CYP4X1: variants seen among roughly 807,000 people sequenced by gnomAD.
CYP4X1 encodes cytochrome P450 family 4 subfamily X member 1.
A neutral mutation model predicts 57.9 loss-of-function variants in CYP4X1; 44 were observed. The observed-to-expected ratio is 0.76, with a 90% CI of 0.60 to 0.98. The LOEUF (loss-of-function observed/expected upper bound fraction) is 0.98. Ranked by LOEUF, CYP4X1 falls within the 50% of genes least tolerant of loss-of-function variation. The pLI, the probability that CYP4X1 is intolerant of heterozygous loss-of-function variation, is 0.00. For synonymous variants in CYP4X1, 227 were observed against 228.6 expected (o/e 0.99, Z 0.06); for missense variants, 532 against 623.9 (o/e 0.85, Z 1.57).
chr1:46,996,873 C>T, the CYP4X1 span, among the ~76,000 whole-genome samples: 1 of 152,144 alleles, frequency 6.6e-6, no homozygotes, highest in South Asian at 2.1e-4. Flanking sequence ...ACATCACCAT[C>T]CTGAAGAGAC....
At chr1:47,028,633 CT>C (rs1297829326) in intron 1 of CYP4X1, among the ~76,000 whole-genome samples, 6 of 152,118 alleles carry the variant, frequency 3.9e-5, no homozygotes, top group Admixed American at 3.3e-4. Flanking sequence ...GTTTTCTGTC[CT>C]TTTTGTCTAG....
intron 10 of CYP4X1, 77 bp downstream of exon 10, chr1:47,048,706 A>T: frequency 7.4e-7 from 1 of 1,349,198 alleles, no homozygotes. Flanking sequence ...TAAGCACAGA[A>T]GTGGCTATAT....
the CYP4X1 span, among the ~76,000 whole-genome samples, chr1:47,016,481 A>G: frequency 2.0e-5 from 3 of 152,034 alleles, no homozygotes; most frequent in Non-Finnish European, 4.4e-5. Flanking sequence ...AGCTGGGACT[A>G]CAGGGGCCCA....
At chr1:47,034,794 T>G (rs1644162064) in intron 4 of CYP4X1, among the ~76,000 whole-genome samples, 1 of 151,970 alleles carries the variant, frequency 6.6e-6, no homozygotes, top group African/African-American at 2.4e-5. Flanking sequence ...TTTCTCTCTA[T>G]TTCTCGGAGC....
the CYP4X1 span, among the ~76,000 whole-genome samples, chr1:47,015,016 C>A: frequency 1.3e-5 from 2 of 152,124 alleles, no homozygotes; most frequent in African/African-American, 4.8e-5. Context: ...TTTTGGACTT[C>A]ATTTCCCTAT....
At chr1:46,962,094 G>C in the CYP4X1 span, among the ~76,000 whole-genome samples, 1 of 152,198 alleles carries the variant, frequency 6.6e-6, no homozygotes, top group East Asian at 1.9e-4. Flanking sequence ...TGAAGTATGA[G>C]CTTTCTTTTT....
At chr1:47,001,795 G>A in the CYP4X1 span, among the ~76,000 whole-genome samples, 4 of 152,178 alleles carry the variant, frequency 2.6e-5, no homozygotes, top group Non-Finnish European at 5.9e-5. Context: ...TCATCACAGC[G>A]GGGACAGCGT....
rs1367406850 is a variant in CYP4X1 at position 47,050,348 on chromosome 1, T to A, written c.*174T>A. 1.6e-6 allele frequency: 1 copy of A among 631,560 alleles called. No individual in the cohort carries two copies. Among genetic ancestry groups the A allele is most frequent in the African/African-American group, 1.8e-5 (1 of 54,210 alleles). The allele number at this position is 631,560 out of a possible 1,614,324, so 39.1% of individuals were successfully genotyped here. The stretch of plus-strand genomic sequence containing the variant: ...CTAGGTACACAGTGTGTCAGCTAGA[T>A]CTGTTTCTATATAACTTTGGGAGAT... On this transcript the variant is annotated 3_prime_UTR_variant, in exon 12 of 12. Coordinates refer to ENST00000371901, the MANE Select transcript of CYP4X1 (RefSeq NM_178033.2).
chr1:47,013,166 G>A, the CYP4X1 span, among the ~76,000 whole-genome samples: 1 of 152,008 alleles, frequency 6.6e-6, no homozygotes, highest in Admixed American at 6.6e-5. Flanking sequence ...ATAAAGAATG[G>A]CTACTCAATA....
chr1:46,969,383 G>A, the CYP4X1 span, among the ~76,000 whole-genome samples: 1 of 152,244 alleles, frequency 6.6e-6, no homozygotes, highest in South Asian at 2.1e-4. Flanking sequence ...TTATAGCAAT[G>A]CAAGAGTGGT....
At chr1:46,990,119 A>G in the CYP4X1 span, among the ~76,000 whole-genome samples, 1 of 152,258 alleles carries the variant, frequency 6.6e-6, no homozygotes, top group Non-Finnish European at 1.5e-5. Context: ...AGCATCCTAC[A>G]GAATGGGAGA....
the CYP4X1 span, among the ~76,000 whole-genome samples, chr1:46,965,779 T>C: frequency 6.6e-6 from 1 of 152,262 alleles, no homozygotes; most frequent in Non-Finnish European, 1.5e-5. Flanking sequence ...GGACCATTTG[T>C]ATTCTCTATA....
At chr1:46,981,595 C>G in the CYP4X1 span, among the ~76,000 whole-genome samples, 1 of 152,164 alleles carries the variant, frequency 6.6e-6, no homozygotes. Flanking sequence ...GGATCTAGAA[C>G]TAGAAATACC....
the CYP4X1 span, among the ~76,000 whole-genome samples, chr1:46,992,609 A>G: frequency 6.6e-6 from 1 of 152,208 alleles, no homozygotes; most frequent in African/African-American, 2.4e-5. Context: ...ATGAAATAAT[A>G]TTGTATGTAT....
the CYP4X1 span, among the ~76,000 whole-genome samples, chr1:47,005,728 A>C: frequency 6.6e-6 from 1 of 152,220 alleles, no homozygotes; most frequent in Non-Finnish European, 1.5e-5. Flanking sequence ...TTATCGGTGG[A>C]ACAAAACCAG....
chr1:47,044,105 A>G (rs1280711436), intron 8 of CYP4X1, among the ~76,000 whole-genome samples: 2 of 152,196 alleles, frequency 1.3e-5, no homozygotes, highest in African/African-American at 4.8e-5. Context: ...ATTGACAGAC[A>G]AGGACTTACT....
chr1:47,027,018 TTTAA>T (rs1314532016), intron 1 of CYP4X1, among the ~76,000 whole-genome samples: 4 of 152,200 alleles, frequency 2.6e-5, no homozygotes, highest in African/African-American at 9.6e-5. Flanking sequence ...CCCGGCTTTC[TTTAA>T]TTTTTTTTAA....
chr1:47,005,771 T>C, the CYP4X1 span, among the ~76,000 whole-genome samples: 1 of 152,234 alleles, frequency 6.6e-6, no homozygotes, highest in African/African-American at 2.4e-5. Flanking sequence ...ATACATTTTG[T>C]CTGAATTTTA....
chr1:46,986,580 T>C, the CYP4X1 span, among the ~76,000 whole-genome samples: 1 of 151,484 alleles, frequency 6.6e-6, no homozygotes, highest in Non-Finnish European at 1.5e-5. Context: ...GACATATAAT[T>C]GTCAGACTCA....
Sources: gnomAD v4.1 joint callset for allele counts (sites outside exome capture counted in the v4.1 genomes callset) on GRCh38, gnomAD v4.1.1 for gene constraint, MANE v1.5 for transcripts, NCBI Gene and HGNC (gene_info 2026-07-23, HGNC 2026-07-21) for gene names.